Variants in C2CD5 observed in about 807,000 individuals in gnomAD.
C2CD5 encodes the protein C2 calcium dependent domain containing 5, also known as C2 domain-containing protein 5.
In C2CD5, 109 loss-of-function variants were observed where a neutral mutation model predicts 130.3. The ratio of observed to expected loss-of-function variants is 0.84; its 90% CI spans 0.72 to 0.98. C2CD5 has a LOEUF of 0.98. Among genes scored for constraint, C2CD5 ranks in the 50% least tolerant of loss-of-function variants. The probability of loss-of-function intolerance (pLI) is 0.00; values close to 1 mark genes in which losing one functional copy is unlikely to be tolerated. For synonymous variants in C2CD5, 454 were observed against 429.2 expected (o/e 1.06, Z -0.71); for missense variants, 996 against 1,261.8 (o/e 0.79, Z 3.19).
In C2CD5 at chr12:22,472,791, G is replaced by T; in HGVS notation, c.2060C>A (p.Ala687Asp). 1 of 1,567,850 alleles carries T rather than the reference G, an allele frequency of 6.4e-7. No individual in the cohort carries two copies. Residue 687 changes from alanine to aspartate, a missense_variant, in exon 17 of 27, where the codon GCC becomes GAC. Ala to Asp is a moderately radical substitution (Grantham distance 126, BLOSUM62 -2). This residue lies in a region of C2CD5 where 590 missense variants were observed against 631.4 expected (regional missense o/e 0.93). Coordinates refer to ENST00000446597, the MANE Select transcript of C2CD5 (RefSeq NM_001286176.2). ...AAGTAGAGAATGGACATCTTCCATG[G>T]CATCTGTGTCATCAATCTTAAAATA... ...AFVLEIDDTD[A>D]MEDVHSLLTD...
At chr12:22,482,770 A>AAT (rs1239958237) in intron 13 of C2CD5, 27 bp from the exon 14 acceptor site, 1 of 1,565,416 alleles carries the variant, frequency 6.4e-7, no homozygotes, top group South Asian at 1.1e-5. Flanking sequence ...GTCAGTGAAC[A>AAT]GTATTCTTGG....
At chr12:22,503,869 T>G (rs1948127708) in intron 10 of C2CD5, among the ~76,000 whole-genome samples, 1 of 152,100 alleles carries the variant, frequency 6.6e-6, no homozygotes, top group Admixed American at 6.6e-5. Flanking sequence ...TTACACATAT[T>G]TAACTAAAAA....
rs1313125975 is a variant in C2CD5, at chr12:22,458,595, C to T, written c.2585-10G>A. On this transcript the variant is annotated splice_polypyrimidine_tract_variant and intron_variant, in intron 23 of 26. Transcript: ENST00000446597. Reference sequence around the variant, plus strand: ...TAATCAACTGACGTTGCTGAAAACACAGACAGAAAACAAAAGAAAAAAACA... The same window carrying T: ...TAATCAACTGACGTTGCTGAAAACATAGACAGAAAACAAAAGAAAAAAACA... 3 of 1,227,844 alleles carry T rather than the reference C, an allele frequency of 2.4e-6. No individual in the cohort carries two copies. The highest frequency in any genetic ancestry group is 3.3e-5 in the South Asian group (1 of 30,228). The allele number at this position is 1,227,844 out of a possible 1,614,324, so 76.1% of individuals were successfully genotyped here. A position where few individuals can be genotyped will look rare whatever the true frequency, so the allele number is the denominator to read the frequency against.
At chr12:22,510,372 T>C (rs1949053225) in intron 9 of C2CD5, among the ~76,000 whole-genome samples, 1 of 152,226 alleles carries the variant, frequency 6.6e-6, no homozygotes. Flanking sequence ...TGCTGATGCT[T>C]TGACATAAGC....
At chr12:22,520,701 C>A (rs1950193235) in intron 7 of C2CD5, among the ~76,000 whole-genome samples, 1 of 151,936 alleles carries the variant, frequency 6.6e-6, no homozygotes, top group South Asian at 2.1e-4. Context: ...GTAGTATACA[C>A]AGGAGAATTT....
At chr12:22,521,402 C>T (rs1950254757) in intron 7 of C2CD5, among the ~76,000 whole-genome samples, 1 of 152,178 alleles carries the variant, frequency 6.6e-6, no homozygotes, top group African/African-American at 2.4e-5. Context: ...TAGAACTCTT[C>T]CTGAATGCAT....
chr12:22,481,630 C>T (rs1455738266), intron 14 of C2CD5, among the ~76,000 whole-genome samples: 5 of 148,398 alleles, frequency 3.4e-5, no homozygotes, highest in Non-Finnish European at 5.9e-5. Flanking sequence ...CATATTTCAT[C>T]GGCACTTAAG....
At chr12:22,468,816 T>G (rs925748550) in intron 22 of C2CD5, among the ~76,000 whole-genome samples, 15 of 152,180 alleles carry the variant, frequency 9.9e-5, no homozygotes, top group Non-Finnish European at 1.8e-4. Flanking sequence ...TTAATAAAGA[T>G]TCTATTGACA....
intron 8 of C2CD5, among the ~76,000 whole-genome samples, chr12:22,514,396 G>A (rs1949503757): frequency 6.6e-6 from 1 of 152,014 alleles, no homozygotes; most frequent in African/African-American, 2.4e-5. Context: ...TATTTTTAGA[G>A]ACTATACAAT....
intron 7 of C2CD5, 87 bp from the exon 8 acceptor site, chr12:22,518,224 T>C (rs530044386): frequency 1.3e-5 from 16 of 1,274,532 alleles, no homozygotes; most frequent in Middle Eastern, 1.9e-4. Flanking sequence ...CAGGAAAGAA[T>C]TGGGGCAGGG....
chr12:22,453,905 A>G lies in C2CD5; in HGVS notation c.3015T>C (p.Asn1005=). The G allele has an allele frequency of 6.8e-6, 11 of 1,611,018 alleles. No individual in the cohort carries two copies. The highest frequency in any genetic ancestry group is 8.5e-6 in the Non-Finnish European group (10 of 1,178,836). Residue 1005 remains asparagine, a synonymous_variant, in exon 26 of 27, where the codon AAT becomes AAC. Transcript: ENST00000446597. ...TTTAACTGCATCTTACCTGGTTTTT[A>G]TTTGGATTCTCCATGAAGACACACT... The part of the protein sequence containing the change: ...MKQCVFMENP[N]KNQAQCLINV...
chr12:22,478,511 A>C, intron 14 of C2CD5, 34 bp from the exon 15 acceptor site: 1 of 1,572,110 alleles, frequency 6.4e-7, no homozygotes, highest in African/African-American at 1.4e-5. Flanking sequence ...AATCAGAAAA[A>C]ATATCTACAG....
intron 9 of C2CD5, 103 bp downstream of exon 9, chr12:22,513,191 T>A: frequency 1.2e-6 from 1 of 800,120 alleles, no homozygotes; most frequent in Admixed American, 2.1e-5. Flanking sequence ...ATATTATAGA[T>A]ATGTAACCAA....
chr12:22,492,653 G>A (rs10505878), intron 11 of C2CD5, among the ~76,000 whole-genome samples: 24,180 of 151,990 alleles, frequency 0.16, 3,834 homozygotes, highest in African/African-American at 0.41. Flanking sequence ...AGCGTGGCAT[G>A]TACTTTAAAG....
chr12:22,492,100 G>A (rs1189897891), intron 11 of C2CD5, among the ~76,000 whole-genome samples: 2 of 152,040 alleles, frequency 1.3e-5, no homozygotes, highest in African/African-American at 4.8e-5. Context: ...TAAATAATAT[G>A]GCTCTGTAAT....
In C2CD5 at chr12:22,459,557, TGAA is replaced by T; in HGVS notation, c.2534-18_2534-16del. ...CTCCAGGTGTTCTAATAAGACAATATGAACAACATTAGCTCAGATGCTAAGTAC... is the reference window on the plus strand; with the variant it reads ...CTCCAGGTGTTCTAATAAGACAATATCAACATTAGCTCAGATGCTAAGTAC... On this transcript the variant is annotated splice_polypyrimidine_tract_variant and intron_variant, in intron 22 of 26. Transcript: ENST00000446597. 1 of 1,497,926 alleles carries T rather than the reference TGAA, an allele frequency of 6.7e-7. No homozygotes were observed. The highest frequency in any genetic ancestry group is 9.0e-7 in the Non-Finnish European group (1 of 1,112,426). 92.8% of individuals were successfully genotyped at this position (1,497,926 alleles called of 1,614,324 possible). A position where few individuals can be genotyped will look rare whatever the true frequency, so the allele number is the denominator to read the frequency against.
At chr12:22,453,869 A>C (rs377610687) in intron 26 of C2CD5, 27 bp downstream of exon 26, 4 of 1,605,874 alleles carry the variant, frequency 2.5e-6, no homozygotes, top group Non-Finnish European at 3.4e-6. Flanking sequence ...GGTTCCCGCC[A>C]ATCAGGAATT....
chr12:22,489,690 A>G (rs1946088350), intron 12 of C2CD5, among the ~76,000 whole-genome samples: 2 of 152,172 alleles, frequency 1.3e-5, no homozygotes, highest in Non-Finnish European at 2.9e-5. Flanking sequence ...TATTATATCT[A>G]CAGATAATCT....
At chr12:22,503,718 C>T (rs1207595281) in intron 10 of C2CD5, among the ~76,000 whole-genome samples, 1 of 152,010 alleles carries the variant, frequency 6.6e-6, no homozygotes, top group East Asian at 1.9e-4. Context: ...CACCATGCTG[C>T]CCAGGCCGGT....
Sources: gnomAD v4.1 joint callset for allele counts (sites outside exome capture counted in the v4.1 genomes callset) on GRCh38, gnomAD v4.1.1 for gene constraint, gnomAD v4.1.1 regional missense constraint, MANE v1.5 for transcripts, NCBI Gene and HGNC (gene_info 2026-07-23, HGNC 2026-07-21) for gene names.